Variants in VAV2 observed in about 807,000 individuals in gnomAD.
VAV2 encodes the protein guanine nucleotide exchange factor VAV2.
VAV2 carries 67 observed loss-of-function variants against 132.5 expected under a neutral mutation model. The observed-to-expected ratio is 0.51, with a 90% CI of 0.42 to 0.62. VAV2 has a LOEUF of 0.62. Ranked by LOEUF, VAV2 falls within the 20% of genes least tolerant of loss-of-function variation. The pLI, the probability that VAV2 is intolerant of heterozygous loss-of-function variation, is 0.00. For synonymous variants in VAV2, 492 were observed against 443.5 expected (o/e 1.11, Z -1.37); for missense variants, 938 against 1,153.6 (o/e 0.81, Z 2.71).
At chr9:133,942,713 G>A (rs376497206) in intron 1 of VAV2, among the ~76,000 whole-genome samples, 12 of 152,288 alleles carry the variant, frequency 7.9e-5, no homozygotes, top group South Asian at 6.2e-4. Context: ...TGGGCCCAGC[G>A]CACCCCTTTC....
At chr9:133,967,933 C>CAAAAAAA (rs34152925) in intron 1 of VAV2, among the ~76,000 whole-genome samples, 4 of 71,364 alleles carry the variant, frequency 5.6e-5, no homozygotes, top group Admixed American at 1.8e-4. Context: ...ACTCTATAAC[C>CAAAAAAA]AAAAAAAAAA....
At chr9:133,875,427 G>C (rs1478585155) in intron 2 of VAV2, among the ~76,000 whole-genome samples, 1 of 152,156 alleles carries the variant, frequency 6.6e-6, no homozygotes, top group Non-Finnish European at 1.5e-5. Context: ...GGCAGGCCCT[G>C]AGCAGGCAGA....
At chr9:133,892,391 G>A (rs889602482) in intron 2 of VAV2, among the ~76,000 whole-genome samples, 1 of 151,846 alleles carries the variant, frequency 6.6e-6, no homozygotes, top group African/African-American at 2.4e-5. Context: ...TTGGAAATGT[G>A]GGGGCTGAGG....
At chr9:133,836,327 G>A (rs1485801280) in intron 3 of VAV2, among the ~76,000 whole-genome samples, 6 of 152,286 alleles carry the variant, frequency 3.9e-5, no homozygotes, top group South Asian at 2.1e-4. Context: ...TTGAAACCCC[G>A]CTGCCAGGAC....
intron 9 of VAV2, among the ~76,000 whole-genome samples, chr9:133,803,157 G>T (rs895352835): frequency 1.3e-5 from 2 of 151,782 alleles, no homozygotes; most frequent in Non-Finnish European, 2.9e-5. Context: ...GCACCAAAGC[G>T]CTCACCTGTC....
intron 10 of VAV2, 77 bp downstream of exon 10, chr9:133,797,633 G>A: frequency 2.3e-6 from 3 of 1,282,532 alleles, no homozygotes; most frequent in East Asian, 2.5e-5. Context: ...CAAGAGAGAG[G>A]CTGGTACCTA....
chr9:133,850,225 C>T (rs1837112835), intron 3 of VAV2, among the ~76,000 whole-genome samples: 1 of 152,228 alleles, frequency 6.6e-6, no homozygotes. Flanking sequence ...CCAGCCGGGC[C>T]TCGAACCCAA....
chr9:133,869,745 G>A (rs1410013660), intron 2 of VAV2, among the ~76,000 whole-genome samples: 1 of 152,206 alleles, frequency 6.6e-6, no homozygotes, highest in Non-Finnish European at 1.5e-5. Flanking sequence ...CCCTCCGACT[G>A]TCATTAGCAA....
intron 21 of VAV2, among the ~76,000 whole-genome samples, chr9:133,779,228 A>G (rs1465733487): frequency 6.6e-6 from 1 of 152,196 alleles, no homozygotes; most frequent in African/African-American, 2.4e-5. Flanking sequence ...GAGACGGGCG[A>G]CGGGTCAGCA....
At chr9:133,907,190 C>G (rs1256215461) in intron 2 of VAV2, among the ~76,000 whole-genome samples, 1 of 152,246 alleles carries the variant, frequency 6.6e-6, no homozygotes, top group African/African-American at 2.4e-5. Flanking sequence ...GCTGGGCACA[C>G]AGACACATGC....
chr9:133,853,767 G>C (rs536790016), intron 3 of VAV2, among the ~76,000 whole-genome samples: 19 of 152,078 alleles, frequency 1.2e-4, no homozygotes, highest in African/African-American at 4.3e-4. Flanking sequence ...TGCCAACACT[G>C]CCCAGACAGG....
At chr9:133,779,862 TC>T in intron 21 of VAV2, 55 bp downstream of exon 21, 1 of 1,595,986 alleles carries the variant, frequency 6.3e-7, no homozygotes, top group South Asian at 1.1e-5. Flanking sequence ...CTGGCTCAGC[TC>T]CCAGGTGATG....
intron 2 of VAV2, among the ~76,000 whole-genome samples, chr9:133,871,444 G>GGACA (rs1202677753): frequency 1.2e-3 from 181 of 145,138 alleles, no homozygotes; most frequent in African/African-American, 4.6e-3. Flanking sequence ...ATTGATTGAT[G>GGACA]GATGGATGGA....
intron 29 of VAV2, among the ~76,000 whole-genome samples, chr9:133,764,700 T>C (rs1833378483): frequency 6.6e-6 from 1 of 152,114 alleles, no homozygotes; most frequent in Non-Finnish European, 1.5e-5. Flanking sequence ...AGAAAGTGAC[T>C]AGATAGAAAA....
intron 13 of VAV2, among the ~76,000 whole-genome samples, chr9:133,790,055 T>G (rs1198391543): frequency 6.6e-6 from 1 of 152,204 alleles, no homozygotes; most frequent in African/African-American, 2.4e-5. Flanking sequence ...CCCAGTCAAC[T>G]TGCTCCAGGC....
intron 2 of VAV2, among the ~76,000 whole-genome samples, chr9:133,922,009 G>A (rs142008145): frequency 1.3e-5 from 2 of 152,376 alleles, no homozygotes; most frequent in Non-Finnish European, 2.9e-5. Flanking sequence ...GCACGCACAG[G>A]TGTGTTTGGC....
intron 1 of VAV2, among the ~76,000 whole-genome samples, chr9:133,973,084 G>A (rs1401666199): frequency 6.6e-6 from 1 of 152,004 alleles, no homozygotes; most frequent in Non-Finnish European, 1.5e-5. Context: ...AGGGAGCCCT[G>A]CCTTGGTACC....
At chr9:133,796,338 TG>T (rs754620901) in intron 11 of VAV2, 90 bp downstream of exon 11, 203 of 1,092,054 alleles carry the variant, frequency 1.9e-4, no homozygotes, top group Non-Finnish European at 2.6e-4. Flanking sequence ...AATCTGTCTG[TG>T]GGCTGCAACC....
intron 2 of VAV2, among the ~76,000 whole-genome samples, chr9:133,900,097 G>A (rs1426857182): frequency 6.6e-6 from 1 of 151,930 alleles, no homozygotes; most frequent in Non-Finnish European, 1.5e-5. Flanking sequence ...TACTCGGGAG[G>A]CGAAGGCAGG....
Sources: gnomAD v4.1 joint callset for allele counts (sites outside exome capture counted in the v4.1 genomes callset) on GRCh38, gnomAD v4.1.1 for gene constraint, MANE v1.5 for transcripts, NCBI Gene and HGNC (gene_info 2026-07-23, HGNC 2026-07-21) for gene names.